RORA: variants seen among roughly 807,000 people sequenced by gnomAD.
RORA encodes RAR related orphan receptor A.
RORA carries 7 observed loss-of-function variants against 69.5 expected under a neutral mutation model. The observed-to-expected ratio is 0.10, with a 90% CI of 0.06 to 0.19. The LOEUF (loss-of-function observed/expected upper bound fraction) is 0.19. Ranked by LOEUF, RORA falls within the 10% of genes least tolerant of loss-of-function variation. The pLI is 1.00. For synonymous variants in RORA, 261 were observed against 240.8 expected (o/e 1.08, Z -0.78); for missense variants, 457 against 663.0 (o/e 0.69, Z 3.41).
chr15:60,976,340 T>C (rs1893872571), intron 1 of RORA, among the ~76,000 whole-genome samples: 2 of 152,126 alleles, frequency 1.3e-5, no homozygotes, highest in Non-Finnish European at 2.9e-5. Context: ...ATCTGCATAA[T>C]ATGGAAGCTA....
intron 2 of RORA, among the ~76,000 whole-genome samples, chr15:60,656,679 G>A (rs560318632): frequency 1.3e-5 from 2 of 152,262 alleles, no homozygotes; most frequent in African/African-American, 2.4e-5. Flanking sequence ...AAGCCACAGA[G>A]CCAGACCACA....
intron 1 of RORA, among the ~76,000 whole-genome samples, chr15:60,698,660 T>C (rs976621155): frequency 1.1e-4 from 16 of 151,208 alleles, no homozygotes; most frequent in Non-Finnish European, 1.9e-4. Flanking sequence ...AAGTACATTC[T>C]TGAAAGTTTA....
chr15:60,611,207 C>G (rs1012506416), intron 2 of RORA, among the ~76,000 whole-genome samples: 1 of 152,070 alleles, frequency 6.6e-6, no homozygotes, highest in Admixed American at 6.5e-5. Context: ...AAATTCTTTC[C>G]TCTTGAATGG....
intron 1 of RORA, among the ~76,000 whole-genome samples, chr15:61,163,700 A>G (rs2079516775): frequency 6.6e-6 from 1 of 152,218 alleles, no homozygotes; most frequent in Admixed American, 6.5e-5. Context: ...AGGGGCAATG[A>G]CAAATTCCAC....
chr15:60,766,679 T>C (rs1439400303), intron 1 of RORA, among the ~76,000 whole-genome samples: 1 of 152,182 alleles, frequency 6.6e-6, no homozygotes, highest in Non-Finnish European at 1.5e-5. Context: ...CACTTTTTTT[T>C]TTTTTCCCAA....
intron 1 of RORA, among the ~76,000 whole-genome samples, chr15:60,816,835 G>C (rs1294580882): frequency 1.3e-5 from 2 of 152,000 alleles, no homozygotes; most frequent in African/African-American, 4.8e-5. Flanking sequence ...GTTTATAATT[G>C]TTATGTTTTT....
chr15:60,842,988 C>T (rs756131328), intron 1 of RORA, among the ~76,000 whole-genome samples: 3 of 152,138 alleles, frequency 2.0e-5, no homozygotes, highest in Admixed American at 6.5e-5. Context: ...CCTGCAGCAG[C>T]CTCTTTCTCT....
At chr15:60,584,181 G>A (rs2068266260) in intron 2 of RORA, among the ~76,000 whole-genome samples, 2 of 152,172 alleles carry the variant, frequency 1.3e-5, no homozygotes, top group African/African-American at 4.8e-5. Context: ...GTAAATACAT[G>A]CCTTCGTGGG....
chr15:61,177,554 G>C (rs565648444), intron 1 of RORA, among the ~76,000 whole-genome samples: 1 of 152,114 alleles, frequency 6.6e-6, no homozygotes, highest in Admixed American at 6.5e-5. Flanking sequence ...ATAACTGTTC[G>C]TGCGTTTTAA....
intron 2 of RORA, among the ~76,000 whole-genome samples, chr15:60,662,560 G>A (rs962899282): frequency 3.9e-5 from 6 of 152,116 alleles, no homozygotes; most frequent in African/African-American, 9.6e-5. Context: ...AAAATAAAAC[G>A]TTATATGGAA....
At chr15:61,163,217 T>C (rs867940133) in intron 1 of RORA, among the ~76,000 whole-genome samples, 1 of 152,196 alleles carries the variant, frequency 6.6e-6, no homozygotes, top group African/African-American at 2.4e-5. Context: ...AGTATCAATA[T>C]GCCAAATCAT....
At chr15:60,621,214 ATT>A (rs1467514356) in intron 2 of RORA, among the ~76,000 whole-genome samples, 18 of 151,338 alleles carry the variant, frequency 1.2e-4, no homozygotes, top group South Asian at 2.1e-4. Flanking sequence ...ATATATATAT[ATT>A]TTTTAAGAAA....
chr15:60,909,532 T>C (rs1010921135), intron 1 of RORA, among the ~76,000 whole-genome samples: 4 of 152,166 alleles, frequency 2.6e-5, no homozygotes, highest in Non-Finnish European at 5.9e-5. Context: ...TGGAGAAAGA[T>C]GTACTCTGAA....
chr15:60,985,006 G>A (rs1171013415), intron 1 of RORA, among the ~76,000 whole-genome samples: 2 of 151,652 alleles, frequency 1.3e-5, no homozygotes, highest in Admixed American at 6.6e-5. Context: ...GAATTTGGAG[G>A]GACAGAGAGA....
intron 1 of RORA, among the ~76,000 whole-genome samples, chr15:60,870,200 T>C (rs1437032407): frequency 6.6e-6 from 1 of 152,214 alleles, no homozygotes. Context: ...CAGAGAGTTA[T>C]TGAACTGCTG....
intron 1 of RORA, among the ~76,000 whole-genome samples, chr15:60,821,977 C>G (rs1379220515): frequency 6.6e-6 from 1 of 151,886 alleles, no homozygotes; most frequent in Non-Finnish European, 1.5e-5. Context: ...TAAAGGAAAT[C>G]TGAATAAAGC....
At chr15:61,090,485 A>G (rs1478550015) in intron 1 of RORA, among the ~76,000 whole-genome samples, 1 of 152,196 alleles carries the variant, frequency 6.6e-6, no homozygotes, top group Non-Finnish European at 1.5e-5. Context: ...ATCAAGCATT[A>G]AGGCTGCTAA....
chr15:61,023,619 G>C (rs1895654414), intron 1 of RORA, among the ~76,000 whole-genome samples: 1 of 152,230 alleles, frequency 6.6e-6, no homozygotes, highest in Admixed American at 6.5e-5. Context: ...ACAATCTCAA[G>C]ATCAGTTAGA....
At chr15:60,919,874 G>T (rs1891991278) in intron 1 of RORA, among the ~76,000 whole-genome samples, 1 of 152,084 alleles carries the variant, frequency 6.6e-6, no homozygotes, top group South Asian at 2.1e-4. Flanking sequence ...TCTGGATGCA[G>T]GTAGGGCTGT....
Sources: gnomAD v4.1 joint callset for allele counts (sites outside exome capture counted in the v4.1 genomes callset) on GRCh38, gnomAD v4.1.1 for gene constraint, MANE v1.5 for transcripts, NCBI Gene and HGNC (gene_info 2026-07-23, HGNC 2026-07-21) for gene names.